TENT5A: variants seen among roughly 807,000 people sequenced by gnomAD.
TENT5A encodes HBV X-transactivated gene 11 protein.
In TENT5A, 9 loss-of-function variants were observed where a neutral mutation model predicts 30.2. The observed-to-expected ratio is 0.30, with a 90% CI of 0.18 to 0.52. The LOEUF (loss-of-function observed/expected upper bound fraction) is 0.52. Ranked by LOEUF, TENT5A falls within the 20% of genes least tolerant of loss-of-function variation. TENT5A has a pLI of 0.97. For missense variants in TENT5A, 411 were observed against 566.1 expected (o/e 0.73, Z 2.78); for synonymous variants, 264 against 234.2 (o/e 1.13, Z -1.16).
chr6:81,752,548 A>G lies in TENT5A; in HGVS notation c.-155T>C. On this transcript the variant is annotated 5_prime_UTR_variant, in exon 1 of 3. Coordinates refer to ENST00000320172, the MANE Select transcript of TENT5A (RefSeq NM_017633.3). ...CAAATAGCGACTTCGTCTTTCCCAGACCCCTGCCGCCTGCGCTCACCACTC... is the reference window on the plus strand; with the variant it reads ...CAAATAGCGACTTCGTCTTTCCCAGGCCCCTGCCGCCTGCGCTCACCACTC... 1 of 1,093,700 alleles carries G rather than the reference A, an allele frequency of 9.1e-7. No homozygotes were observed. Among genetic ancestry groups the G allele is most frequent in the Non-Finnish European group, 1.4e-6 (1 of 732,324 alleles). The allele number at this position is 1,093,700 out of a possible 1,614,324, so 67.7% of individuals were successfully genotyped here.
chr6:81,752,499 G>C lies in TENT5A; in HGVS notation c.-106C>G. 6.7e-7 allele frequency: 1 copy of C among 1,500,062 alleles called. No individual in the cohort carries two copies. Among genetic ancestry groups the C allele is most frequent in the Non-Finnish European group, 9.1e-7 (1 of 1,101,382 alleles). 92.9% of individuals were successfully genotyped at this position (1,500,062 alleles called of 1,614,324 possible). A position where few individuals can be genotyped will look rare whatever the true frequency, so the allele number is the denominator to read the frequency against. On this transcript the variant is annotated 5_prime_UTR_variant, in exon 1 of 3. Coordinates refer to ENST00000320172, the MANE Select transcript of TENT5A (RefSeq NM_017633.3). ...AAACCGAGAGGCGGCAACACTTCCA[G>C]GAGCTGCGAGCGCGCTCAGACAGCA...
chr6:81,752,375 C>A, intron 1 of TENT5A, 56 bp downstream of exon 1: 1 of 1,549,896 alleles, frequency 6.5e-7, no homozygotes, highest in Non-Finnish European at 8.7e-7. Context: ...CAGCCCCGCA[C>A]CAAAAGTATC....
At position 81,749,125 on chromosome 6, in the gene TENT5A, G is replaced by A; in HGVS notation, c.*570C>T. The A allele has an allele frequency of 1.0e-6, 1 of 985,852 alleles. No individual in the cohort carries two copies. The highest frequency in any genetic ancestry group is 1.2e-6 in the Non-Finnish European group (1 of 830,000). 61.1% of individuals were successfully genotyped at this position (985,852 alleles called of 1,614,324 possible). A position where few individuals can be genotyped will look rare whatever the true frequency, so the allele number is the denominator to read the frequency against. On this transcript the variant is annotated 3_prime_UTR_variant, in exon 3 of 3. Coordinates refer to ENST00000320172, the MANE Select transcript of TENT5A (RefSeq NM_017633.3). ...GCACCAACCTACTACTGTTCATTTG[G>A]AGCAAGCCGTTTGTTAGCAAAACAA... is the stretch of plus-strand genomic sequence containing the variant.
chr6:81,750,337 A>G lies in TENT5A; in HGVS notation c.687T>C (p.Ser229=), dbSNP rs781535819. Residue 229 remains serine, a synonymous_variant, in exon 3 of 3, where the codon AGT becomes AGC. Transcript: ENST00000320172. This position sits in a 1 kb window ranked among gnomAD's most constrained non-coding sequence, Gnocchi z 4.2. ...VDSLRRQFEF[S]VDSFQIKLDS... ...CTAATTTGATTTGAAAAGAATCTAC[A>G]CTGAATTCAAACTGCCTCCGGAGGG... is the stretch of plus-strand genomic sequence containing the variant. 1.9e-6 allele frequency: 3 copies of G among 1,613,346 alleles called. No individual in the cohort carries two copies. The highest frequency in any genetic ancestry group is 1.1e-5 in the South Asian group (1 of 90,822).
rs1482090138 is a variant in TENT5A, at chr6:81,749,889, T to C, written c.1135A>G (p.Asn379Asp). Reference protein sequence around the residue: ...LMGHERRQTLNLITMLAIRVL... With the variant: ...LMGHERRQTLDLITMLAIRVL... ...CGGATAGCCAGCATGGTGATAAGGTTTAAAGTCTGTCTTCTTTCATGTCCC... is the reference window on the plus strand; with the variant it reads ...CGGATAGCCAGCATGGTGATAAGGTCTAAAGTCTGTCTTCTTTCATGTCCC... Residue 379 changes from asparagine (N) to aspartate (D), a missense_variant, in exon 3 of 3, where the codon AAC becomes GAC. Asn to Asp is a conservative substitution (Grantham distance 23). This residue lies in a region of TENT5A where 75 missense variants were observed against 80.9 expected (regional missense o/e 0.93). Coordinates refer to ENST00000320172, the MANE Select transcript of TENT5A (RefSeq NM_017633.3). The C allele has an allele frequency of 6.2e-7, 1 of 1,614,154 alleles. No individual in the cohort carries two copies.
In TENT5A at chr6:81,746,649, G is replaced by A. The variant is rs1768892778; in HGVS notation, c.*3046C>T. 8.1e-7 allele frequency: 1 copy of A among 1,231,412 alleles called. No homozygotes were observed. Among genetic ancestry groups the A allele is most frequent in the Non-Finnish European group, 1.0e-6 (1 of 987,614 alleles). 76.3% of individuals were successfully genotyped at this position (1,231,412 alleles called of 1,614,324 possible). ...CTCTGACATGCCAGGCTGGACAGGT[G>A]AGAAGAGCCTCCAAAAGACAAAACT... On this transcript the variant is annotated 3_prime_UTR_variant, in exon 3 of 3. Coordinates refer to ENST00000320172, the MANE Select transcript of TENT5A (RefSeq NM_017633.3).
rs768360110 is a variant in TENT5A, at chr6:81,751,984, A to G, written c.158T>C (p.Leu53Ser). 5.2e-6 allele frequency: 8 copies of G among 1,549,998 alleles called. No individual in the cohort carries two copies. Among genetic ancestry groups the G allele is most frequent in the Non-Finnish European group, 7.0e-6 (8 of 1,145,948 alleles). The part of the protein sequence containing the change: ...GGGGSFGGHC[L>S]DYCESPTAHC... ...CGCCGTAGGGCTTTCGCAATAGTCC[A>G]AGCAATGCCCACCGAAGCTGCCGCC... Residue 53 changes from leucine (L) to serine (S), a missense_variant, in exon 2 of 3, where the codon TTG becomes TCG. Coordinates refer to ENST00000320172, the MANE Select transcript of TENT5A (RefSeq NM_017633.3).
At position 81,751,776 on chromosome 6, in the gene TENT5A, G is replaced by A. The variant is rs147316162; in HGVS notation, c.366C>T (p.Gly122=). 743 of 1,613,222 alleles carry A rather than the reference G, an allele frequency of 4.6e-4. 7 individuals are homozygous for A. The Middle Eastern group carries it at 0.014, about 30-fold the overall frequency. Residue 122 remains glycine, a synonymous_variant, in exon 2 of 3, where the codon GGC becomes GGT. Coordinates refer to ENST00000320172, the MANE Select transcript of TENT5A (RefSeq NM_017633.3). ...RIGVRDVRLN[G]SAASHVLHQD... ...GGTGCAGGACATGGCTGGCTGCCGA[G>A]CCGTTGAGGCGCACGTCGCGGACGC...
chr6:81,746,758 C>G lies in TENT5A; in HGVS notation c.*2937G>C. Reference sequence around the variant, plus strand: ...ACAGGCGCTAATAGGGAGTCGGGAGCTGTTCTTTTCTCTGACCTATACACA... The same window carrying G: ...ACAGGCGCTAATAGGGAGTCGGGAGGTGTTCTTTTCTCTGACCTATACACA... On this transcript the variant is annotated 3_prime_UTR_variant, in exon 3 of 3. Transcript: ENST00000320172. The G allele has an allele frequency of 8.2e-7, 1 of 1,218,662 alleles. No individual in the cohort carries two copies. Among genetic ancestry groups the G allele is most frequent in the Non-Finnish European group, 1.0e-6 (1 of 979,926 alleles). The allele number at this position is 1,218,662 out of a possible 1,614,324, so 75.5% of individuals were successfully genotyped here. A position where few individuals can be genotyped will look rare whatever the true frequency, so the allele number is the denominator to read the frequency against.
rs1768885505 is a variant in TENT5A at position 81,746,410 on chromosome 6, T to C, written c.*3285A>G. On this transcript the variant is annotated 3_prime_UTR_variant, in exon 3 of 3. Coordinates refer to ENST00000320172, the MANE Select transcript of TENT5A (RefSeq NM_017633.3). ...GGGGTGGTAAAAACAGTACGTTCAC[T>C]TTTCATTTCCTTCCTTGGTTTGGAT... The C allele has an allele frequency of 2.4e-6, 3 of 1,230,816 alleles. No homozygotes were observed. Among genetic ancestry groups the C allele is most frequent in the Admixed American group, 4.2e-5 (1 of 23,688 alleles). The allele number at this position is 1,230,816 out of a possible 1,614,324, so 76.2% of individuals were successfully genotyped here. A position where few individuals can be genotyped will look rare whatever the true frequency, so the allele number is the denominator to read the frequency against.
chr6:81,749,788 T>C lies in TENT5A; in HGVS notation c.1236A>G (p.Ala412=), dbSNP rs148802326. The C allele has an allele frequency of 2.2e-4, 359 of 1,614,172 alleles. No homozygotes were observed. In the East Asian group the frequency reaches 7.1e-3, roughly 32 times the overall value. Reference sequence around the variant, plus strand: ...TGTAGTAATTGCTAAAGTTGGCATCTGCTACATAGGGGGCTGGCTGGTAAT... The same window carrying C: ...TGTAGTAATTGCTAAAGTTGGCATCCGCTACATAGGGGGCTGGCTGGTAAT... ...TCYYQPAPYV[A]DANFSNYYIA... is the part of the protein sequence containing the mutation. The change falls in exon 3 of 3, where the codon GCA becomes GCG. Residue 412 remains alanine, a synonymous_variant. Transcript: ENST00000320172.
At position 81,749,459 on chromosome 6, in the gene TENT5A, G is replaced by A. The variant is rs919702314; in HGVS notation, c.*236C>T. 7.9e-7 allele frequency: 1 copy of A among 1,263,082 alleles called. No homozygotes were observed. The highest frequency in any genetic ancestry group is 9.9e-7 in the Non-Finnish European group (1 of 1,005,032). The allele number at this position is 1,263,082 out of a possible 1,614,324, so 78.2% of individuals were successfully genotyped here. On this transcript the variant is annotated 3_prime_UTR_variant, in exon 3 of 3. Transcript: ENST00000320172. ...ATGACAGGTCTCTCTTTTTTTGCAG[G>A]ATAGAATCCAATTGGGTAGGAGAAT...
Position 81,750,471 on chromosome 6 carries a change from C to T in TENT5A, c.553G>A (p.Glu185Lys). The change falls in exon 3 of 3, where the codon GAA (glutamate) becomes AAA (lysine). Residue 185 changes from glutamate (E) to lysine (K), a missense_variant and splice_region_variant. Transcript: ENST00000320172. The surrounding 1 kb of genome is among the most constrained non-coding windows in gnomAD (Gnocchi z 4.2). The stretch of plus-strand genomic sequence containing the variant: ...TTAACCATTTTCTGCACATAAGCTT[C>T]CTACAATTTAAAAGATAAAACAAAA... ...KEKITPLTLK[E>K]AYVQKMVKVC... The T allele has an allele frequency of 6.6e-7, 1 of 1,509,504 alleles. No individual in the cohort carries two copies. The highest frequency in any genetic ancestry group is 8.9e-7 in the Non-Finnish European group (1 of 1,127,866). The allele number at this position is 1,509,504 out of a possible 1,614,324, so 93.5% of individuals were successfully genotyped here. A position where few individuals can be genotyped will look rare whatever the true frequency, so the allele number is the denominator to read the frequency against.
intron 2 of TENT5A, among the ~76,000 whole-genome samples, chr6:81,751,350 G>A (rs1381986331): frequency 1.3e-5 from 2 of 152,284 alleles, no homozygotes; most frequent in Non-Finnish European, 2.9e-5. Context: ...AGAGAAGAGA[G>A]GGCAGAGGAG....
intron 2 of TENT5A, 54 bp downstream of exon 2, chr6:81,751,536 G>A: frequency 1.3e-6 from 2 of 1,499,334 alleles, no homozygotes; most frequent in South Asian, 1.3e-5. Context: ...CCCGCTCCCC[G>A]TCACACCCGG....
In TENT5A at chr6:81,750,106, G is replaced by C. The variant is rs1226593225; in HGVS notation, c.918C>G (p.Pro306=). 6.2e-7 allele frequency: 1 copy of C among 1,613,684 alleles called. No homozygotes were observed. Among genetic ancestry groups the C allele is most frequent in the South Asian group, 1.1e-5 (1 of 91,042 alleles). The change falls in exon 3 of 3, where the codon CCC becomes CCG. Residue 306 remains proline (P), a synonymous_variant. Transcript: ENST00000320172. The surrounding 1 kb of genome is among the most constrained non-coding windows in gnomAD (Gnocchi z 4.2). The stretch of plus-strand genomic sequence containing the variant: ...GAAGGGTCTTGATTTCATCAGAGGC[G>C]GGCCTAAAGCCCCTCACCAAGAGGT... ...YCNLLVRGFR[P]ASDEIKTLQR... is the part of the protein sequence containing the mutation.
Position 81,751,625 on chromosome 6 carries a change from C to A in TENT5A, c.517G>T (p.Val173Leu), listed in dbSNP as rs769653047. 1.3e-5 allele frequency: 21 copies of A among 1,613,046 alleles called. No individual in the cohort carries two copies. The highest frequency in any genetic ancestry group is 1.5e-5 in the Non-Finnish European group (18 of 1,179,496). ...AGTGGTGTGATCTTCTCTTTGTTCA[C>A]CCCCTCGGGTAAGAAGTCCAACAGG... ...DCLLDFLPEG[V>L]NKEKITPLTL... Residue 173 changes from valine to leucine, a missense_variant, in exon 2 of 3, where the codon GTG (valine) becomes TTG (leucine). Transcript: ENST00000320172.
Position 81,750,921 on chromosome 6 carries a change from T to A in TENT5A, c.553-450A>T, listed in dbSNP as rs1769017959. 1.3e-5 allele frequency among the ~76,000 whole-genome samples: 2 copies of A among 152,240 alleles called. No individual in the cohort carries two copies. Among genetic ancestry groups the A allele is most frequent in the Admixed American group, 1.3e-4 (2 of 15,286 alleles). Reference sequence around the variant, plus strand: ...TGCGGCAATCAATGTTATCAGTATCTTGTGTGTCCCTCCAGGGGCACCCTG... The same window carrying A: ...TGCGGCAATCAATGTTATCAGTATCATGTGTGTCCCTCCAGGGGCACCCTG... On this transcript the variant is annotated intron_variant, in intron 2 of 2. Coordinates refer to ENST00000320172, the MANE Select transcript of TENT5A (RefSeq NM_017633.3). The surrounding 1 kb of genome is among the most constrained non-coding windows in gnomAD (Gnocchi z 4.2).
Position 81,748,626 on chromosome 6 carries a change from T to C in TENT5A, c.*1069A>G. On this transcript the variant is annotated 3_prime_UTR_variant, in exon 3 of 3. Transcript: ENST00000320172. Reference sequence around the variant, plus strand: ...TCAATCTACTGTGTATATATACATATAAAATGTATATATAAAATGTATATA... The same window carrying C: ...TCAATCTACTGTGTATATATACATACAAAATGTATATATAAAATGTATATA... 1 of 917,862 alleles carries C rather than the reference T, an allele frequency of 1.1e-6. No individual in the cohort carries two copies. The highest frequency in any genetic ancestry group is 1.3e-6 in the Non-Finnish European group (1 of 768,438). 56.9% of individuals were successfully genotyped at this position (917,862 alleles called of 1,614,324 possible). A position where few individuals can be genotyped will look rare whatever the true frequency, so the allele number is the denominator to read the frequency against.
Sources: gnomAD v4.1 joint callset for allele counts (sites outside exome capture counted in the v4.1 genomes callset) on GRCh38, gnomAD v4.1.1 for gene constraint, gnomAD v4.1.1 regional missense constraint, Gnocchi (gnomAD v3.1) non-coding constraint, MANE v1.5 for transcripts, NCBI Gene and HGNC (gene_info 2026-07-23, HGNC 2026-07-21) for gene names.